Variants in CES5A observed in about 807,000 individuals in gnomAD.
The protein encoded by CES5A is carboxylesterase 5.
Under a neutral mutation model 62.9 loss-of-function variants are expected in CES5A, and 67 were observed. The ratio of observed to expected loss-of-function variants is 1.07; its 90% CI spans 0.88 to 1.31. The LOEUF is 1.31. Ranked by LOEUF, CES5A falls within the 50% of genes most tolerant of loss-of-function variation. CES5A has a pLI of 0.00. For synonymous variants in CES5A, 296 were observed against 280.8 expected (o/e 1.05, Z -0.54); for missense variants, 748 against 708.5 (o/e 1.06, Z -0.63).
chr16:55,926,744 T>C (rs113465874), upstream of CES5A, among the ~76,000 whole-genome samples: 2,292 of 152,318 alleles, frequency 0.015, 73 homozygotes, highest in African/African-American at 0.052. Context: ...TCTCTAAATA[T>C]TATCATAATA....
At chr16:55,938,564 C>T (rs577680695) in intron 2 of CES5A, among the ~76,000 whole-genome samples, 12 of 150,580 alleles carry the variant, frequency 8.0e-5, no homozygotes, top group East Asian at 5.9e-4. Flanking sequence ...AGTGAAACCC[C>T]GTCTCTACTA....
At chr16:55,934,770 A>C (rs888436382) in intron 2 of CES5A, among the ~76,000 whole-genome samples, 1 of 152,070 alleles carries the variant, frequency 6.6e-6, no homozygotes, top group Non-Finnish European at 1.5e-5. Context: ...GGAAGCTGTG[A>C]AGTCCCAAGG....
intron 1 of CES5A, among the ~76,000 whole-genome samples, chr16:55,889,480 A>G (rs2033852297): frequency 6.6e-6 from 1 of 152,078 alleles, no homozygotes; most frequent in Admixed American, 6.6e-5. Flanking sequence ...CACTTTACTC[A>G]CTTATTGGAA....
chr16:55,951,100 T>C (rs2034551770), intron 1 of CES5A, among the ~76,000 whole-genome samples: 1 of 53,008 alleles, frequency 1.9e-5, no homozygotes, highest in African/African-American at 1.0e-4. Context: ...CGAGACTCCA[T>C]CTCAAAAAAA....
intron 1 of CES5A, among the ~76,000 whole-genome samples, chr16:55,882,184 G>A (rs1295572708): frequency 6.6e-6 from 1 of 152,050 alleles, no homozygotes; most frequent in African/African-American, 2.4e-5. Context: ...CTTCAAGAGA[G>A]GACTATGCAA....
intron 2 of CES5A, among the ~76,000 whole-genome samples, chr16:55,939,847 C>T (rs2142478018): frequency 6.6e-6 from 1 of 151,560 alleles, no homozygotes; most frequent in Middle Eastern, 3.4e-3. Flanking sequence ...TGGAATTAAA[C>T]TGGAAATCAG....
intron 9 of CES5A, among the ~76,000 whole-genome samples, chr16:55,854,538 T>TTTTC (rs2033198947): frequency 1.2e-5 from 1 of 80,824 alleles, no homozygotes; most frequent in East Asian, 4.0e-4. Context: ...TTTCTTTTTT[T>TTTTC]TTTTTCTTTT....
intron 10 of CES5A, among the ~76,000 whole-genome samples, chr16:55,852,612 C>A (rs147762276): frequency 6.6e-6 from 1 of 152,124 alleles, no homozygotes; most frequent in Admixed American, 6.5e-5. Context: ...TTGGGGATGG[C>A]GCCCAGAAAA....
chr16:55,914,480 C>G (rs139117031), intron 1 of CES5A, among the ~76,000 whole-genome samples: 1 of 152,124 alleles, frequency 6.6e-6, no homozygotes, highest in Non-Finnish European at 1.5e-5. Context: ...CCTGAGGCTA[C>G]GCCAGGGGAT....
intron 6 of CES5A, 74 bp downstream of exon 6, chr16:55,863,274 G>T: frequency 3.6e-6 from 3 of 843,350 alleles, no homozygotes; most frequent in Non-Finnish European, 4.2e-6. Flanking sequence ...CCAAACACAT[G>T]GTGAGAAGGT....
At chr16:55,910,441 C>T (rs77040500) in intron 1 of CES5A, among the ~76,000 whole-genome samples, 5,613 of 152,256 alleles carry the variant, frequency 0.037, 384 homozygotes, top group African/African-American at 0.13. Flanking sequence ...CACTCATCTA[C>T]CCCTTTCCTG....
chr16:55,876,255 G>A (rs2033691798), upstream of CES5A, among the ~76,000 whole-genome samples: 2 of 152,080 alleles, frequency 1.3e-5, no homozygotes, highest in Admixed American at 6.6e-5. Flanking sequence ...CAATTTACTT[G>A]ATTTTTTTTC....
chr16:55,902,325 G>A (rs1458599890), intron 1 of CES5A, among the ~76,000 whole-genome samples: 1 of 152,044 alleles, frequency 6.6e-6, no homozygotes, highest in Non-Finnish European at 1.5e-5. Flanking sequence ...CCCAAGGATG[G>A]CCATCCCCAC....
Position 55,863,374 on chromosome 16 carries a change from C to T in CES5A, c.784G>A (p.Ala262Thr), listed in dbSNP as rs752515295. Residue 262 changes from alanine (A) to threonine (T), a missense_variant, in exon 6 of 13, where the codon GCC becomes ACC. Ala to Thr is a moderately conservative substitution (Grantham distance 58). Transcript: ENST00000290567. ...SGVAIIPYLEAHDYEKSEDLQ... is the reference protein window; with the variant it reads ...SGVAIIPYLETHDYEKSEDLQ... The stretch of plus-strand genomic sequence containing the variant: ...TCCTCACTCTTCTCATAATCATGGG[C>T]CTCCAGGTAAGGGATGATGGCCACC... 6.3e-6 allele frequency: 10 copies of T among 1,598,650 alleles called. No individual in the cohort carries two copies. Among genetic ancestry groups the T allele is most frequent in the Middle Eastern group, 1.7e-4 (1 of 5,838 alleles).
At chr16:55,948,149 G>A (rs1816783016) in intron 2 of CES5A, among the ~76,000 whole-genome samples, 1 of 152,156 alleles carries the variant, frequency 6.6e-6, no homozygotes, top group African/African-American at 2.4e-5. Flanking sequence ...ACGTGCCTGG[G>A]ATAAAGAGAC....
chr16:55,850,480 G>A (rs59685449), intron 10 of CES5A, among the ~76,000 whole-genome samples: 3,161 of 152,284 alleles, frequency 0.021, 94 homozygotes, highest in East Asian at 0.068. Context: ...CATACAACAT[G>A]TGGCCCTTTG....
rs149367978 is a variant in CES5A at position 55,849,812 on chromosome 16, G to A, written c.1274-39C>T. 8.2e-4 allele frequency: 1,307 copies of A among 1,603,572 alleles called. 4 individuals carry two copies. The highest frequency in any genetic ancestry group is 3.8e-3 in the Middle Eastern group (20 of 5,256). On this transcript the variant is annotated intron_variant, in intron 10 of 12. Transcript: ENST00000290567. ...AGGGAAGGTCAGGCATGCATGCAGC[G>A]CGGAGCAGGGGGCTGGCTCTGTGTC...
At chr16:55,863,099 G>A (rs1404789906) in intron 6 of CES5A, among the ~76,000 whole-genome samples, 5 of 152,162 alleles carry the variant, frequency 3.3e-5, no homozygotes, top group African/African-American at 7.2e-5. Context: ...AAAGAATAAC[G>A]GGTAAGACAT....
Position 55,866,037 on chromosome 16 carries a change from C to T in CES5A, c.631G>A (p.Glu211Lys), listed in dbSNP as rs556967848. The change falls in exon 5 of 13, where the codon GAG becomes AAG. Residue 211 changes from glutamate (E) to lysine (K), a missense_variant. Transcript: ENST00000290567. ...AALSWVQKNI[E>K]FFGGDPSSVT... is the part of the protein sequence containing the mutation. ...GAGCTGGGGTCCCCACCGAAGAACTCGATGTTCTTCTGGACCCAGGACAGA... is the reference window on the plus strand; with the variant it reads ...GAGCTGGGGTCCCCACCGAAGAACTTGATGTTCTTCTGGACCCAGGACAGA... 1.7e-5 allele frequency: 27 copies of T among 1,614,036 alleles called. No homozygotes were observed. In the African/African-American group the frequency reaches 2.8e-4, roughly 17 times the overall value.
Sources: gnomAD v4.1 joint callset for allele counts (sites outside exome capture counted in the v4.1 genomes callset) on GRCh38, gnomAD v4.1.1 for gene constraint, MANE v1.5 for transcripts, NCBI Gene and HGNC (gene_info 2026-07-23, HGNC 2026-07-21) for gene names.